CDC42BPA: variants seen among roughly 807,000 people sequenced by gnomAD.
The protein encoded by CDC42BPA is CDC42 binding protein kinase alpha.
A neutral mutation model predicts 223.5 loss-of-function variants in CDC42BPA; 80 were observed. That is an observed-to-expected ratio of 0.36 (90% confidence interval 0.30 to 0.43). CDC42BPA has a LOEUF of 0.43. Ranked by LOEUF, CDC42BPA falls within the 20% of genes least tolerant of loss-of-function variation. The probability of loss-of-function intolerance (pLI) is 1.00; values close to 1 mark genes in which losing one functional copy is unlikely to be tolerated. For missense variants in CDC42BPA, 1,743 were observed against 2,099.9 expected (o/e 0.83, Z 3.32); for synonymous variants, 694 against 718.6 (o/e 0.97, Z 0.55).
In CDC42BPA at chr1:227,030,401, C is replaced by T; in HGVS notation, c.3838+7G>A. 3 of 1,559,902 alleles carry T rather than the reference C, an allele frequency of 1.9e-6. No homozygotes were observed. Among genetic ancestry groups the T allele is most frequent in the Non-Finnish European group, 2.6e-6 (3 of 1,149,654 alleles). On this transcript the variant is annotated splice_region_variant and intron_variant, in intron 29 of 36. Coordinates refer to ENST00000366766, the MANE Select transcript of CDC42BPA (RefSeq NM_001394014.1). ...AATTACTCCAAAAAAAAAAAGTTTT[C>T]TCTTACCATCTTTGGTGACATGTAC...
At chr1:227,235,935 T>G (rs1678930660) in intron 2 of CDC42BPA, among the ~76,000 whole-genome samples, 1 of 152,220 alleles carries the variant, frequency 6.6e-6, no homozygotes, top group African/African-American at 2.4e-5. Context: ...AGATTTGGAA[T>G]AAGTTAACAG....
chr1:227,028,645 A>G lies in CDC42BPA; in HGVS notation c.4432+12T>C. 1 of 1,496,754 alleles carries G rather than the reference A, an allele frequency of 6.7e-7. No homozygotes were observed. The highest frequency in any genetic ancestry group is 9.1e-7 in the Non-Finnish European group (1 of 1,103,018). 92.7% of individuals were successfully genotyped at this position (1,496,754 alleles called of 1,614,324 possible). On this transcript the variant is annotated intron_variant, in intron 30 of 36. Coordinates refer to ENST00000366766, the MANE Select transcript of CDC42BPA (RefSeq NM_001394014.1). The stretch of plus-strand genomic sequence containing the variant: ...TATAAAGATAAGACAGCCGTAAGAA[A>G]GAGAATCTTACAACAAGAGGAAGGA...
intron 6 of CDC42BPA, 129 bp from the exon 7 acceptor site, chr1:227,147,688 A>C (rs1297950794): frequency 3.7e-6 from 2 of 536,924 alleles, no homozygotes; most frequent in Non-Finnish European, 6.3e-6. Flanking sequence ...AAATAATAAT[A>C]ATCCTTGTAT....
chr1:227,195,919 C>T (rs1670604063), intron 4 of CDC42BPA, among the ~76,000 whole-genome samples: 1 of 152,110 alleles, frequency 6.6e-6, no homozygotes, highest in South Asian at 2.1e-4. Flanking sequence ...GACAAACAAT[C>T]CAACAAAACT....
At chr1:227,313,170 G>A (rs1693817822) in intron 1 of CDC42BPA, among the ~76,000 whole-genome samples, 1 of 152,070 alleles carries the variant, frequency 6.6e-6, no homozygotes. Flanking sequence ...ATAAAAGGGT[G>A]ATGTTCCTAA....
At chr1:227,171,026 C>T (rs1451746331) in intron 5 of CDC42BPA, among the ~76,000 whole-genome samples, 1 of 152,104 alleles carries the variant, frequency 6.6e-6, no homozygotes, top group Non-Finnish European at 1.5e-5. Flanking sequence ...TTGCAAATAA[C>T]GTGGCAGCCA....
intron 1 of CDC42BPA, among the ~76,000 whole-genome samples, chr1:227,305,921 G>A (rs1209985799): frequency 2.0e-5 from 3 of 152,142 alleles, no homozygotes; most frequent in Non-Finnish European, 2.9e-5. Flanking sequence ...AGCCAAGATC[G>A]TGCCATTGCA....
intron 4 of CDC42BPA, 65 bp from the exon 5 acceptor site, chr1:227,193,999 TC>T: frequency 8.7e-7 from 1 of 1,144,976 alleles, no homozygotes; most frequent in Non-Finnish European, 1.2e-6. Flanking sequence ...ATATACTGTA[TC>T]CCAAGGTCAA....
At chr1:227,016,807 C>A in intron 33 of CDC42BPA, 120 bp downstream of exon 33, 2 of 986,384 alleles carry the variant, frequency 2.0e-6, no homozygotes, top group African/African-American at 1.7e-5. Flanking sequence ...GTTTTTGACA[C>A]CACAGATCAA....
chr1:227,059,609 A>G (rs1675376768), intron 21 of CDC42BPA, among the ~76,000 whole-genome samples: 1 of 152,246 alleles, frequency 6.6e-6, no homozygotes, highest in South Asian at 2.1e-4. Context: ...GACTACGTCT[A>G]AGGTTGACAA....
chr1:226,994,338 C>A lies in CDC42BPA; in HGVS notation c.5195G>T (p.Ser1732Ile), dbSNP rs1274517446. 3.1e-6 allele frequency: 5 copies of A among 1,597,316 alleles called. No individual in the cohort carries two copies. The highest frequency in any genetic ancestry group is 1.3e-5 in the African/African-American group (1 of 74,714). Residue 1732 changes from serine to isoleucine, a missense_variant, in exon 37 of 37, where the codon AGC becomes ATC. Coordinates refer to ENST00000366766, the MANE Select transcript of CDC42BPA (RefSeq NM_001394014.1). The surrounding 1 kb of genome is among the most constrained non-coding windows in gnomAD (Gnocchi z 4.0). ...SNSSNLSSPPSPASPRKTKSL... is the reference protein window; with the variant it reads ...SNSSNLSSPPIPASPRKTKSL... ...CTTGGTTTTTCGGGGTGAAGCTGGG[C>A]TTGGGGGGCTGCTTAGGTTGGAACT...
chr1:227,066,191 G>A (rs540064210), intron 21 of CDC42BPA, among the ~76,000 whole-genome samples: 1 of 152,120 alleles, frequency 6.6e-6, no homozygotes, highest in East Asian at 1.9e-4. Context: ...GAGTTCAAGA[G>A]CAGCCTGGCC....
rs1217959168 is a variant in CDC42BPA at position 227,040,126 on chromosome 1, C to G, written c.3199+5G>C. 6.5e-7 allele frequency: 1 copy of G among 1,539,926 alleles called. No individual in the cohort carries two copies. Among genetic ancestry groups the G allele is most frequent in the Admixed American group, 1.7e-5 (1 of 59,814 alleles). Reference sequence around the variant, plus strand: ...AGTCACATTTTCTTTCCTTTGTGTTCTTACCTTCACATGAACAGCCCTGTC... The same window carrying G: ...AGTCACATTTTCTTTCCTTTGTGTTGTTACCTTCACATGAACAGCCCTGTC... On this transcript the variant is annotated splice_donor_5th_base_variant and intron_variant, in intron 24 of 36. Transcript: ENST00000366766.
chr1:227,063,732 A>G (rs1242670815), intron 21 of CDC42BPA, among the ~76,000 whole-genome samples: 2 of 152,126 alleles, frequency 1.3e-5, no homozygotes, highest in African/African-American at 2.4e-5. Context: ...TCATAGGACT[A>G]AAAATCTTTA....
chr1:227,045,848 T>G (rs180912850), intron 23 of CDC42BPA, among the ~76,000 whole-genome samples: 54 of 152,286 alleles, frequency 3.5e-4, no homozygotes, highest in Admixed American at 2.1e-3. Flanking sequence ...ACCATGTCAC[T>G]GAGGCTGGAG....
chr1:227,035,439 G>A (rs755685705), intron 25 of CDC42BPA, 32 bp downstream of exon 25: 3 of 1,536,352 alleles, frequency 2.0e-6, no homozygotes, highest in African/African-American at 1.4e-5. Context: ...AATCTTAAAG[G>A]ATTAATCTAA....
chr1:227,140,192 T>C (rs764670602), intron 9 of CDC42BPA, among the ~76,000 whole-genome samples: 3 of 152,196 alleles, frequency 2.0e-5, no homozygotes, highest in African/African-American at 4.8e-5. Flanking sequence ...ATGCTGAAAC[T>C]GCTGGACATT....
intron 2 of CDC42BPA, among the ~76,000 whole-genome samples, chr1:227,215,550 C>T (rs939910164): frequency 3.6e-4 from 55 of 152,270 alleles, no homozygotes; most frequent in African/African-American, 1.2e-3. Flanking sequence ...CCATTCTACA[C>T]ACCTGTGCAG....
chr1:227,315,423 A>G (rs778254684), intron 1 of CDC42BPA, among the ~76,000 whole-genome samples: 2 of 152,104 alleles, frequency 1.3e-5, no homozygotes, highest in Non-Finnish European at 2.9e-5. Flanking sequence ...AAATCATTTA[A>G]AATTATATTT....
Sources: gnomAD v4.1 joint callset for allele counts (sites outside exome capture counted in the v4.1 genomes callset) on GRCh38, gnomAD v4.1.1 for gene constraint, Gnocchi (gnomAD v3.1) non-coding constraint, MANE v1.5 for transcripts, NCBI Gene and HGNC (gene_info 2026-07-23, HGNC 2026-07-21) for gene names.